PRDM1: variants seen among roughly 807,000 people sequenced by gnomAD.
PRDM1 encodes PR/SET domain 1, also known as PR domain zinc finger protein 1.
In PRDM1, 13 loss-of-function variants were observed where a neutral mutation model predicts 62.8. The observed-to-expected ratio is 0.21, with a 90% CI of 0.13 to 0.33. The LOEUF (loss-of-function observed/expected upper bound fraction) is 0.33, where lower values mean the gene tolerates loss of function less well. Among genes scored for constraint, PRDM1 ranks in the 10% least tolerant of loss-of-function variants. PRDM1 has a pLI of 1.00. For missense variants in PRDM1, 895 were observed against 1,058.8 expected, an observed-to-expected ratio of 0.85 and a Z score of 2.15; for synonymous variants, 396 against 417.6, an observed-to-expected ratio of 0.95 and a Z score of 0.63.
intron 5 of PRDM1, 64 bp downstream of exon 5, chr6:106,105,997 G>T: frequency 6.5e-7 from 1 of 1,547,768 alleles, no homozygotes; most frequent in Admixed American, 1.9e-5. Context: ...TATTTAGCTT[G>T]CTTTCCATGG....
chr6:106,066,226 T>C (rs1035837546), intron 1 of PRDM1, among the ~76,000 whole-genome samples: 2 of 152,130 alleles, frequency 1.3e-5, no homozygotes, highest in Admixed American at 1.3e-4. Context: ...CTTTATCTTA[T>C]CCCTGCTGGT....
At position 106,086,602 on chromosome 6, in the gene PRDM1, A is replaced by G. The variant is rs1214664581; in HGVS notation, c.42+7A>G. On this transcript the variant is annotated splice_region_variant and intron_variant, in intron 1 of 6. Transcript: ENST00000369096. ...ACGTGTGGGTACGACCTTGGTAAGG[A>G]ACTTGAATTTTTTTTTTTTAATTCT... 6.5e-7 allele frequency: 1 copy of G among 1,547,922 alleles called. No individual in the cohort carries two copies. Among genetic ancestry groups the G allele is most frequent in the Non-Finnish European group, 8.7e-7 (1 of 1,144,748 alleles).
intron 1 of PRDM1, among the ~76,000 whole-genome samples, chr6:106,069,245 C>G (rs1773476357): frequency 6.6e-6 from 1 of 152,050 alleles, no homozygotes; most frequent in South Asian, 2.1e-4. Context: ...ATATATGACT[C>G]CCAATAATGT....
At chr6:106,092,155 A>G (rs879663523) in intron 2 of PRDM1, among the ~76,000 whole-genome samples, 3 of 147,622 alleles carry the variant, frequency 2.0e-5, no homozygotes, top group Non-Finnish European at 4.5e-5. Context: ...AAACAAACCT[A>G]TATTGTCCTT....
chr6:106,055,403 A>G lies in PRDM1; in HGVS notation c.-67+6689A>G, dbSNP rs377709557. Among the ~76,000 whole-genome samples the G allele has an allele frequency of 5.3e-5, 8 of 152,330 alleles. No individual in the cohort carries two copies. In the East Asian group the frequency reaches 1.2e-3, roughly 22 times the overall value. Reference sequence around the variant, plus strand: ...ATTATTAATCGGATCAGGGCCTAGCATGTGATTAGTAGCCTGGTTCACTAT... The same window carrying G: ...ATTATTAATCGGATCAGGGCCTAGCGTGTGATTAGTAGCCTGGTTCACTAT... On this transcript the variant is annotated intron_variant, in intron 1 of 6. Transcript: ENST00000651185.
Position 106,106,258 on chromosome 6 carries a change from C to A in PRDM1, c.1774-113C>A. 1.4e-6 allele frequency: 2 copies of A among 1,430,264 alleles called. No individual in the cohort carries two copies. The highest frequency in any genetic ancestry group is 1.9e-6 in the Non-Finnish European group (2 of 1,056,286). The allele number at this position is 1,430,264 out of a possible 1,614,324, so 88.6% of individuals were successfully genotyped here. A position where few individuals can be genotyped will look rare whatever the true frequency, so the allele number is the denominator to read the frequency against. On this transcript the variant is annotated intron_variant, in intron 5 of 6. Coordinates refer to ENST00000369096, the MANE Select transcript of PRDM1 (RefSeq NM_001198.4). The surrounding 1 kb of genome is among the most constrained non-coding windows in gnomAD (Gnocchi z 4.4). ...ACATGAAGATTTCTTCTTTTTAAGA[C>A]TGTCTTGATGCTTTTCTTAAGATAT...
At chr6:106,002,154 T>C (rs1197508152) in intron 1 of PRDM1, among the ~76,000 whole-genome samples, 2 of 152,262 alleles carry the variant, frequency 1.3e-5, no homozygotes, top group East Asian at 1.9e-4. Context: ...AGCATTTGAA[T>C]TGAGATGTAG....
upstream of PRDM1, among the ~76,000 whole-genome samples, chr6:105,992,760 C>A (rs927318400): frequency 1.3e-5 from 2 of 152,246 alleles, no homozygotes; most frequent in African/African-American, 4.8e-5. Context: ...CTTCAGGTCC[C>A]CCTTGCCTGT....
rs369020859 is a variant in PRDM1 at position 106,095,054 on chromosome 6, A to C, written c.292-561A>C. 5.1e-3 allele frequency among the ~76,000 whole-genome samples: 759 copies of C among 149,914 alleles called. 5 individuals are homozygous for C. The highest frequency in any genetic ancestry group is 0.023 in the South Asian group (107 of 4,714). On this transcript the variant is annotated intron_variant, in intron 2 of 6. Transcript: ENST00000369096. ...AATGTACAAGCTATGAAAAAAAAAA[A>C]ACACACACACACACACAAACCTCAT...
intron 1 of PRDM1, among the ~76,000 whole-genome samples, chr6:106,027,201 G>C (rs1010678953): frequency 7.9e-5 from 12 of 152,224 alleles, no homozygotes; most frequent in Non-Finnish European, 1.5e-4. Flanking sequence ...GGAGGGGCAA[G>C]ACATTAATCG....
At chr6:106,028,818 G>A (rs150786651) in intron 1 of PRDM1, among the ~76,000 whole-genome samples, 176 of 151,306 alleles carry the variant, frequency 1.2e-3, no homozygotes, top group African/African-American at 4.0e-3. Context: ...CTCATCTCCA[G>A]GCCAACACTG....
chr6:106,095,692 T>C lies in PRDM1; in HGVS notation c.369T>C (p.Asn123=). The stretch of plus-strand genomic sequence containing the variant: ...CCCTAATAGGTGAAATCTACACCAA[T>C]GACACAGTTCCTAAGAACGCCAACA... The part of the protein sequence containing the change: ...FGPLIGEIYT[N]DTVPKNANRK... The change falls in exon 3 of 7, where the codon AAT becomes AAC. Residue 123 remains asparagine, a synonymous_variant. Coordinates refer to ENST00000369096, the MANE Select transcript of PRDM1 (RefSeq NM_001198.4). 1 of 1,614,118 alleles carries C rather than the reference T, an allele frequency of 6.2e-7. No individual in the cohort carries two copies. The highest frequency in any genetic ancestry group is 1.1e-5 in the South Asian group (1 of 91,078).
At chr6:106,009,866 C>T (rs546143326) in intron 1 of PRDM1, among the ~76,000 whole-genome samples, 2 of 152,218 alleles carry the variant, frequency 1.3e-5, no homozygotes, top group South Asian at 2.1e-4. Context: ...TATAGGCATG[C>T]GCCACCACGC....
intron 1 of PRDM1, among the ~76,000 whole-genome samples, chr6:106,022,769 T>C (rs567679604): frequency 3.3e-5 from 5 of 152,186 alleles, no homozygotes; most frequent in Non-Finnish European, 7.4e-5. Flanking sequence ...TTGTCTAGGC[T>C]GGTCTCAAAC....
At chr6:106,103,130 C>A (rs961257756) in intron 4 of PRDM1, among the ~76,000 whole-genome samples, 1 of 149,818 alleles carries the variant, frequency 6.7e-6, no homozygotes, top group Non-Finnish European at 1.5e-5. Context: ...TCCATCACGG[C>A]CCCCCCGTCA....
intron 3 of PRDM1, chr6:106,096,085 C>G (rs1010684064): frequency 5.0e-5 from 9 of 181,314 alleles, no homozygotes; most frequent in African/African-American, 2.1e-4. Context: ...AGATTTCACC[C>G]CTTTTTGATT....
chr6:106,038,409 G>A (rs1175604593), intron 1 of PRDM1, among the ~76,000 whole-genome samples: 1 of 152,062 alleles, frequency 6.6e-6, no homozygotes, highest in East Asian at 1.9e-4. Context: ...ATTTCACTGG[G>A]CATGTGTGGT....
intron 1 of PRDM1, among the ~76,000 whole-genome samples, chr6:106,001,645 T>C (rs1772425896): frequency 6.6e-6 from 1 of 152,196 alleles, no homozygotes. Flanking sequence ...GTATCAGTTT[T>C]ATGTATACTT....
intron 1 of PRDM1, among the ~76,000 whole-genome samples, chr6:106,064,057 T>C (rs6925611): frequency 0.19 from 28,733 of 152,142 alleles, 2,965 homozygotes; most frequent in African/African-American, 0.27. Context: ...ACATTTTTCA[T>C]AGATGAAAGG....
Sources: allele counts gnomAD v4.1 joint callset (sites outside exome capture counted in the v4.1 genomes callset), GRCh38; gene constraint gnomAD v4.1.1; non-coding constraint Gnocchi (gnomAD v3.1); transcripts MANE v1.5; gene names NCBI Gene and HGNC (gene_info 2026-07-23, HGNC 2026-07-21).